ZBTB41: variants seen among roughly 807,000 people sequenced by gnomAD.
ZBTB41 encodes zinc finger and BTB domain-containing protein 41.
A neutral mutation model predicts 87.6 loss-of-function variants in ZBTB41; 42 were observed. That is an observed-to-expected ratio of 0.48 (90% CI 0.37 to 0.62). The LOEUF (loss-of-function observed/expected upper bound fraction) is 0.62. Ranked by LOEUF, ZBTB41 falls within the 20% of genes least tolerant of loss-of-function variation. ZBTB41 has a pLI of 0.00. For synonymous variants in ZBTB41, 364 were observed against 364.0 expected (o/e 1.00, Z 0.00); for missense variants, 799 against 1,078.9 (o/e 0.74, Z 3.63).
intron 5 of ZBTB41, among the ~76,000 whole-genome samples, chr1:197,187,071 G>C (rs1022106627): frequency 1.3e-5 from 2 of 152,094 alleles, no homozygotes; most frequent in Admixed American, 6.5e-5. Context: ...CCAAATGCTG[G>C]CAAGAACATG....
At chr1:197,193,973 A>G (rs1265218720) in intron 2 of ZBTB41, among the ~76,000 whole-genome samples, 1 of 152,082 alleles carries the variant, frequency 6.6e-6, no homozygotes, top group Non-Finnish European at 1.5e-5. Context: ...CAGATTCTCA[A>G]GATTGAGAGA....
At chr1:197,179,929 T>C (rs922689574) in intron 6 of ZBTB41, among the ~76,000 whole-genome samples, 1 of 151,934 alleles carries the variant, frequency 6.6e-6, no homozygotes, top group Non-Finnish European at 1.5e-5. Context: ...TGCTGTTCAT[T>C]TGAGGGAAAA....
chr1:197,197,573 G>GAGGGAGGGAAGGAGGGAGGA, intron 2 of ZBTB41, among the ~76,000 whole-genome samples: 1 of 141,142 alleles, frequency 7.1e-6, no homozygotes, highest in Non-Finnish European at 1.6e-5. Context: ...AGGAGGGAGG[G>GAGGGAGGGAAGGAGGGAGGA]AGGGAGGGAG....
In ZBTB41 at chr1:197,199,616, A is replaced by G; in HGVS notation, c.858T>C (p.Asp286=). 9.9e-6 allele frequency: 16 copies of G among 1,610,676 alleles called. No individual in the cohort carries two copies. The highest frequency in any genetic ancestry group is 1.4e-5 in the Non-Finnish European group (16 of 1,179,272). ...GSDNLNQENF[D]KEKSDRNDSE... The stretch of plus-strand genomic sequence containing the variant: ...AATCATTTCTATCTGACTTTTCCTT[A>G]TCAAAATTTTCTTGATTCAAATTGT... Residue 286 remains aspartate, a synonymous_variant, in exon 2 of 11, where the codon GAT becomes GAC. Transcript: ENST00000367405.
chr1:197,177,329 G>A (rs925915870), intron 7 of ZBTB41, among the ~76,000 whole-genome samples: 11 of 152,000 alleles, frequency 7.2e-5, no homozygotes, highest in Admixed American at 2.0e-4. Context: ...TAGGTAAGAC[G>A]TGCCTTGCTT....
chr1:197,162,814 T>C (rs945213541), intron 10 of ZBTB41, among the ~76,000 whole-genome samples: 1 of 152,124 alleles, frequency 6.6e-6, no homozygotes, highest in African/African-American at 2.4e-5. Flanking sequence ...GACGCCAAGC[T>C]GCAACCCAGC....
At chr1:197,192,446 T>C (rs115244968) in intron 2 of ZBTB41, among the ~76,000 whole-genome samples, 2,084 of 152,270 alleles carry the variant, frequency 0.014, 43 homozygotes, top group African/African-American at 0.048. Flanking sequence ...AATAGAACTG[T>C]TGTAATAATA....
At position 197,157,322 on chromosome 1, in the gene ZBTB41, T is replaced by C. The variant is rs1396823016; in HGVS notation, c.*2037A>G. The C allele has an allele frequency of 6.6e-6, 1 of 151,858 alleles. No individual in the cohort carries two copies. Among genetic ancestry groups the C allele is most frequent in the African/African-American group, 2.4e-5 (1 of 41,400 alleles). 9.4% of individuals were successfully genotyped at this position (151,858 alleles called of 1,614,324 possible). A position where few individuals can be genotyped will look rare whatever the true frequency, so the allele number is the denominator to read the frequency against. On this transcript the variant is annotated 3_prime_UTR_variant, in exon 11 of 11. Coordinates refer to ENST00000367405, the MANE Select transcript of ZBTB41 (RefSeq NM_194314.3). ...AATATACCATATACATACATGTATA[T>C]AAATATATATATACTATCTGCCTTT...
intron 10 of ZBTB41, among the ~76,000 whole-genome samples, chr1:197,161,475 G>GTTAAATATTTTA (rs2125122226): frequency 2.8e-5 from 1 of 35,964 alleles, no homozygotes; most frequent in South Asian, 1.5e-3. Context: ...TAAATATTTT[G>GTTAAATATTTTA]TAGCCCATTG....
chr1:197,157,728 T>A lies in ZBTB41; in HGVS notation c.*1631A>T, dbSNP rs1659102398. 1 of 152,388 alleles carries A rather than the reference T, an allele frequency of 6.6e-6. No individual in the cohort carries two copies. The highest frequency in any genetic ancestry group is 1.5e-5 in the Non-Finnish European group (1 of 67,826). 9.4% of individuals were successfully genotyped at this position (152,388 alleles called of 1,614,324 possible). On this transcript the variant is annotated 3_prime_UTR_variant, in exon 11 of 11. Transcript: ENST00000367405. ...TGGTTAACTGCCTCAGTTTTCAATA[T>A]TTCTTTTGTTTTACCTCCGCTAGTA... is the stretch of plus-strand genomic sequence containing the variant.
intron 6 of ZBTB41, among the ~76,000 whole-genome samples, chr1:197,179,802 GAAAAT>G (rs1213970001): frequency 2.6e-5 from 4 of 151,970 alleles, no homozygotes; most frequent in Non-Finnish European, 5.9e-5. Flanking sequence ...AAAGCTTATA[GAAAAT>G]AAAATATCTT....
intron 4 of ZBTB41, 145 bp from the exon 5 acceptor site, chr1:197,188,584 A>C: frequency 1.3e-6 from 1 of 797,114 alleles, no homozygotes; most frequent in Non-Finnish European, 1.9e-6. Flanking sequence ...TTCAATTCTA[A>C]TTGTGCAGAA....
chr1:197,159,508 T>C lies in ZBTB41; in HGVS notation c.2581A>G (p.Thr861Ala), dbSNP rs1237188856. 1 of 1,613,896 alleles carries C rather than the reference T, an allele frequency of 6.2e-7. No individual in the cohort carries two copies. The highest frequency in any genetic ancestry group is 8.5e-7 in the Non-Finnish European group (1 of 1,179,876). ...ATATTTGCAGGTTGAGGAGTAAGAG[T>C]ATATTTTTCCAGAAAAGCTAAATCC... ...AADLAFLEKY[T>A]LTPQPANIVH... is the part of the protein sequence containing the mutation. Residue 861 changes from threonine (T) to alanine (A), a missense_variant, in exon 11 of 11, where the codon ACT (threonine) becomes GCT (alanine). Physicochemically the swap from Thr to Ala is moderately conservative, Grantham distance 58. Transcript: ENST00000367405.
rs1284351141 is a variant in ZBTB41, at chr1:197,201,276, G to A, written c.-171C>T. ...CCAGCAGCTGAGCTCCACTCTGGGC[G>A]CGCTCGCTCCTGCGCCTACCCACTT... On this transcript the variant is annotated 5_prime_UTR_variant, in exon 1 of 11. Transcript: ENST00000367405. Among the ~76,000 whole-genome samples, 1 of 152,136 alleles carries A rather than the reference G, an allele frequency of 6.6e-6. No homozygotes were observed. The highest frequency in any genetic ancestry group is 1.5e-5 in the Non-Finnish European group (1 of 68,022).
chr1:197,195,644 G>A (rs1220313695), intron 2 of ZBTB41, among the ~76,000 whole-genome samples: 3 of 151,956 alleles, frequency 2.0e-5, no homozygotes, highest in African/African-American at 4.8e-5. Context: ...AAGAGATTGT[G>A]AATTTAATCT....
chr1:197,182,252 C>T (rs182979367), intron 5 of ZBTB41, among the ~76,000 whole-genome samples: 4 of 152,198 alleles, frequency 2.6e-5, no homozygotes, highest in South Asian at 2.1e-4. Context: ...GTATAGCTGG[C>T]GGCTTCAGCT....
Position 197,160,466 on chromosome 1 carries a change from C to G in ZBTB41, c.2075-452G>C, listed in dbSNP as rs528331574. ...CCAAAACATCTGATTTTCTCCCCCA[C>G]GCAAGGAGGATAAAAACTAAAACAG... On this transcript the variant is annotated intron_variant, in intron 10 of 10. Coordinates refer to ENST00000367405, the MANE Select transcript of ZBTB41 (RefSeq NM_194314.3). Among the ~76,000 whole-genome samples the G allele has an allele frequency of 2.6e-5, 4 of 152,218 alleles. No homozygotes were observed. In the East Asian group the frequency reaches 7.7e-4, roughly 29 times the overall value.
chr1:197,185,300 T>A (rs995334762), intron 5 of ZBTB41, among the ~76,000 whole-genome samples: 1 of 149,942 alleles, frequency 6.7e-6, no homozygotes, highest in Non-Finnish European at 1.5e-5. Flanking sequence ...AGTAATGAAC[T>A]GAACATGGAG....
rs758573067 is a variant in ZBTB41, at chr1:197,199,598, T to G, written c.876A>C (p.Arg292Ser). 7 of 1,609,170 alleles carry G rather than the reference T, an allele frequency of 4.4e-6. No homozygotes were observed. In the African/African-American group the frequency reaches 9.4e-5, roughly 22 times the overall value. ...QENFDKEKSD[R>S]NDSEDPGSEY... ...CACTTCCAGGGTCCTCAGAATCATTTCTATCTGACTTTTCCTTATCAAAAT... is the reference window on the plus strand; with the variant it reads ...CACTTCCAGGGTCCTCAGAATCATTGCTATCTGACTTTTCCTTATCAAAAT... Residue 292 changes from arginine to serine, a missense_variant, in exon 2 of 11, where the codon AGA (arginine) becomes AGC (serine). This residue lies in a region of ZBTB41 where 294 missense variants were observed against 340.1 expected (regional missense o/e 0.86). Coordinates refer to ENST00000367405, the MANE Select transcript of ZBTB41 (RefSeq NM_194314.3).
Sources: allele counts gnomAD v4.1 joint callset (sites outside exome capture counted in the v4.1 genomes callset), GRCh38; gene constraint gnomAD v4.1.1; regional missense constraint gnomAD v4.1.1; transcripts MANE v1.5; gene names NCBI Gene and HGNC (gene_info 2026-07-23, HGNC 2026-07-21).